DZIP1: variants seen among roughly 807,000 people sequenced by gnomAD.
The protein encoded by DZIP1 is cilium assembly protein DZIP1.
In DZIP1, 97 loss-of-function variants were observed where a neutral mutation model predicts 107.6. That is an observed-to-expected ratio of 0.90 (90% CI 0.77 to 1.07). The LOEUF is 1.07. Ranked by LOEUF, DZIP1 falls within the 50% of genes least tolerant of loss-of-function variation. The pLI, the probability that DZIP1 is intolerant of heterozygous loss-of-function variation, is 0.00. For synonymous variants in DZIP1, 390 were observed against 386.4 expected (o/e 1.01, Z -0.11); for missense variants, 1,035 against 1,063.6 (o/e 0.97, Z 0.37).
intron 1 of DZIP1, among the ~76,000 whole-genome samples, 177 bp downstream of exon 1, chr13:95,644,200 C>T (rs936631559): frequency 1.3e-5 from 2 of 152,242 alleles, no homozygotes; most frequent in Non-Finnish European, 2.9e-5. Context: ...CCAGGGGAAC[C>T]TCGGCGCCCT....
intron 13 of DZIP1, among the ~76,000 whole-genome samples, chr13:95,607,946 G>T (rs1279048785): frequency 6.6e-6 from 1 of 152,186 alleles, no homozygotes; most frequent in Non-Finnish European, 1.5e-5. Context: ...CTATAGGTCT[G>T]ATTTATTTAT....
At chr13:95,630,221 G>C in intron 6 of DZIP1, 108 bp from the exon 7 acceptor site, 1 of 1,358,074 alleles carries the variant, frequency 7.4e-7, no homozygotes, top group South Asian at 1.5e-5. Context: ...CCTCTTACTT[G>C]GGATACGATT....
intron 22 of DZIP1, among the ~76,000 whole-genome samples, chr13:95,582,632 G>T (rs758462897): frequency 6.6e-5 from 10 of 152,216 alleles, no homozygotes; most frequent in Non-Finnish European, 1.3e-4. Flanking sequence ...TGTTGAAGGT[G>T]CTCAGTACAT....
intron 10 of DZIP1, 87 bp downstream of exon 10, chr13:95,619,798 G>A: frequency 7.4e-7 from 1 of 1,354,084 alleles, no homozygotes; most frequent in Non-Finnish European, 1.0e-6. Context: ...ATGTTATTAA[G>A]TGGACAAATA....
chr13:95,612,008 G>GCACGGTGC (rs2045024575), intron 11 of DZIP1, 29 bp downstream of exon 11: 1 of 1,607,226 alleles, frequency 6.2e-7, no homozygotes, highest in African/African-American at 1.3e-5. Context: ...GCTTAAAGAA[G>GCACGGTGC]CACGGTGCCA....
At position 95,642,160 on chromosome 13, in the gene DZIP1, GA is replaced by G; in HGVS notation, c.-132del. 7.9e-7 allele frequency: 1 copy of G among 1,268,598 alleles called. No individual in the cohort carries two copies. The highest frequency in any genetic ancestry group is 3.1e-5 in the East Asian group (1 of 32,154). The allele number at this position is 1,268,598 out of a possible 1,614,324, so 78.6% of individuals were successfully genotyped here. ...GGCGGCCTAAGGTCTGGGCGTCCAGGACGTTGCTATAGCAGCGCCCAGGTCC... is the reference window on the plus strand; with the variant it reads ...GGCGGCCTAAGGTCTGGGCGTCCAGGCGTTGCTATAGCAGCGCCCAGGTCC... On this transcript the variant is annotated 5_prime_UTR_variant, in exon 4 of 23. Transcript: ENST00000376829.
chr13:95,629,516 T>C (rs1022472853), intron 7 of DZIP1, among the ~76,000 whole-genome samples: 6 of 152,070 alleles, frequency 3.9e-5, no homozygotes, highest in African/African-American at 1.4e-4. Flanking sequence ...CCCAGGAGTA[T>C]GGGGAGCCTC....
chr13:95,587,884 GC>G, intron 19 of DZIP1, 155 bp from the exon 20 acceptor site: 2 of 895,506 alleles, frequency 2.2e-6, no homozygotes, highest in Non-Finnish European at 1.6e-6. Flanking sequence ...TGGCGGCGAG[GC>G]CAGAGGTTAT....
At chr13:95,594,225 T>C in intron 15 of DZIP1, 139 bp from the exon 16 acceptor site, 1 of 703,026 alleles carries the variant, frequency 1.4e-6, no homozygotes. Flanking sequence ...GATATTTTAG[T>C]CACTCAGCAC....
chr13:95,621,287 A>G (rs897168239), intron 9 of DZIP1, among the ~76,000 whole-genome samples: 1 of 152,210 alleles, frequency 6.6e-6, no homozygotes, highest in Non-Finnish European at 1.5e-5. Context: ...GAGTGCCAGG[A>G]AAGCAAAGAA....
intron 5 of DZIP1, among the ~76,000 whole-genome samples, chr13:95,640,346 T>C (rs1878352299): frequency 6.6e-6 from 1 of 152,208 alleles, no homozygotes; most frequent in Non-Finnish European, 1.5e-5. Flanking sequence ...GGGTCAGTCC[T>C]GAGCAATATT....
intron 6 of DZIP1, among the ~76,000 whole-genome samples, chr13:95,631,466 C>CA (rs918427065): frequency 2.2e-3 from 298 of 132,536 alleles, no homozygotes; most frequent in East Asian, 3.0e-3. Context: ...GATTCCATCT[C>CA]AAAAAAAAAA....
intron 5 of DZIP1, among the ~76,000 whole-genome samples, chr13:95,634,528 A>G (rs758823159): frequency 1.3e-5 from 2 of 152,196 alleles, no homozygotes; most frequent in Non-Finnish European, 2.9e-5. Context: ...AACCTATTAA[A>G]ATAAATTTTC....
chr13:95,590,633 A>T (rs538922429), intron 16 of DZIP1, among the ~76,000 whole-genome samples, 192 bp from the exon 17 acceptor site: 1 of 152,340 alleles, frequency 6.6e-6, no homozygotes, highest in South Asian at 2.1e-4. Flanking sequence ...CACATAAGGC[A>T]TGCATATGTT....
In DZIP1 at chr13:95,578,428, T is replaced by C. The variant is rs1423374660; in HGVS notation, c.*3806A>G. On this transcript the variant is annotated 3_prime_UTR_variant, in exon 23 of 23. Transcript: ENST00000376829. ...TCTTATAAACAGCATGGGGGCAATCTGAGAATATTCCTCAAAAGGTGTCCA... is the reference window on the plus strand; with the variant it reads ...TCTTATAAACAGCATGGGGGCAATCCGAGAATATTCCTCAAAAGGTGTCCA... 6.6e-6 allele frequency: 1 copy of C among 152,636 alleles called. No individual in the cohort carries two copies. The highest frequency in any genetic ancestry group is 2.4e-5 in the African/African-American group (1 of 41,478). 9.5% of individuals were successfully genotyped at this position (152,636 alleles called of 1,614,324 possible). A position where few individuals can be genotyped will look rare whatever the true frequency, so the allele number is the denominator to read the frequency against.
At chr13:95,607,658 T>C (rs922654662) in intron 13 of DZIP1, among the ~76,000 whole-genome samples, 2 of 152,156 alleles carry the variant, frequency 1.3e-5, no homozygotes, top group African/African-American at 4.8e-5. Context: ...TGTAAATCAC[T>C]GTCTGACTTT....
chr13:95,597,528 C>A (rs2044491356), intron 15 of DZIP1, among the ~76,000 whole-genome samples: 1 of 152,180 alleles, frequency 6.6e-6, no homozygotes, highest in Non-Finnish European at 1.5e-5. Context: ...CACTTAAAGA[C>A]AATATTTTTT....
intron 19 of DZIP1, 143 bp downstream of exon 19, chr13:95,589,011 A>G (rs950883903): frequency 2.7e-6 from 2 of 751,232 alleles, no homozygotes; most frequent in African/African-American, 3.6e-5. Context: ...TGTCACAAAT[A>G]ACATATCACA....
Position 95,580,820 on chromosome 13 carries a change from C to T in DZIP1, c.*1414G>A, listed in dbSNP as rs2138715003. The stretch of plus-strand genomic sequence containing the variant: ...ATTCGGCCTTCTGTTCTCTGTCCTA[C>T]TACATGAAACTTGGATTCAGCCTTC... On this transcript the variant is annotated 3_prime_UTR_variant, in exon 23 of 23. Coordinates refer to ENST00000376829, the MANE Select transcript of DZIP1 (RefSeq NM_198968.4). The T allele has an allele frequency of 6.6e-6, 1 of 152,310 alleles. No homozygotes were observed. Among genetic ancestry groups the T allele is most frequent in the Middle Eastern group, 3.4e-3 (1 of 294 alleles). 9.4% of individuals were successfully genotyped at this position (152,310 alleles called of 1,614,324 possible). A position where few individuals can be genotyped will look rare whatever the true frequency, so the allele number is the denominator to read the frequency against.
Sources: gnomAD v4.1 joint callset for allele counts (sites outside exome capture counted in the v4.1 genomes callset) on GRCh38, gnomAD v4.1.1 for gene constraint, MANE v1.5 for transcripts, NCBI Gene and HGNC (gene_info 2026-07-23, HGNC 2026-07-21) for gene names.